Variants in COL4A3 observed in about 807,000 individuals in gnomAD.
COL4A3 encodes the protein collagen alpha-3(IV) chain.
Under a neutral mutation model 217.4 loss-of-function variants are expected in COL4A3, and 135 were observed. That is an observed-to-expected ratio of 0.62 (90% CI 0.54 to 0.72). The LOEUF (loss-of-function observed/expected upper bound fraction) is 0.72, where lower values mean the gene tolerates loss of function less well. Among genes scored for constraint, COL4A3 ranks in the 30% least tolerant of loss-of-function variants. The pLI, the probability that COL4A3 is intolerant of heterozygous loss-of-function variation, is 0.00. For synonymous variants in COL4A3, 690 were observed against 736.3 expected (o/e 0.94, Z 1.02); for missense variants, 1,868 against 2,119.9 (o/e 0.88, Z 2.33).
At chr2:227,234,786 A>G (rs1212163740) in intron 1 of COL4A3, among the ~76,000 whole-genome samples, 2 of 152,216 alleles carry the variant, frequency 1.3e-5, no homozygotes, top group Admixed American at 1.3e-4. Flanking sequence ...TTCCAGTAGC[A>G]TATGGTGAAT....
chr2:227,229,649 G>C (rs1199341233), intron 1 of COL4A3, among the ~76,000 whole-genome samples: 1 of 152,178 alleles, frequency 6.6e-6, no homozygotes, highest in African/African-American at 2.4e-5. Context: ...TCCTTATTGA[G>C]TGCAGGGTAC....
chr2:227,298,200 T>A lies in COL4A3; in HGVS notation c.3751+341T>A, dbSNP rs147063791. Among the ~76,000 whole-genome samples the A allele has an allele frequency of 1.3e-3, 202 of 152,132 alleles. 3 individuals carry two copies. In the East Asian group the frequency reaches 0.014, roughly 10 times the overall value. On this transcript the variant is annotated intron_variant, in intron 42 of 51. Coordinates refer to ENST00000396578, the MANE Select transcript of COL4A3 (RefSeq NM_000091.5). Reference sequence around the variant, plus strand: ...CTGTCTCTACTAAAAATACAAAAATTAGCCAGTCTTGCTTGGTGGTGCATG... The same window carrying A: ...CTGTCTCTACTAAAAATACAAAAATAAGCCAGTCTTGCTTGGTGGTGCATG...
chr2:227,311,392 T>C (rs967157619), intron 51 of COL4A3, among the ~76,000 whole-genome samples: 1 of 152,096 alleles, frequency 6.6e-6, no homozygotes, highest in Non-Finnish European at 1.5e-5. Context: ...TTTTTTTTTT[T>C]TTCTTGAGAT....
chr2:227,274,663 G>A (rs1197285999), intron 26 of COL4A3, among the ~76,000 whole-genome samples: 8 of 151,844 alleles, frequency 5.3e-5, no homozygotes, highest in East Asian at 1.9e-4. Context: ...CATGCCAGGC[G>A]AATTTTTATA....
intron 34 of COL4A3, among the ~76,000 whole-genome samples, chr2:227,288,722 T>C (rs1250780237): frequency 6.6e-6 from 1 of 152,220 alleles, no homozygotes; most frequent in African/African-American, 2.4e-5. Flanking sequence ...ATTAAGATCA[T>C]TGCTAGTGTT....
chr2:227,279,915 A>T lies in COL4A3; in HGVS notation c.2223+25A>T, dbSNP rs1296022069. 2.6e-6 allele frequency: 4 copies of T among 1,550,186 alleles called. No individual in the cohort carries two copies. The Admixed American group carries it at 7.2e-5, about 28-fold the overall frequency. ...GGTATGCAAAAATTCAAGCTATCACAGAAGAGAGGGTGGGTGACCATTAAC... is the reference window on the plus strand; with the variant it reads ...GGTATGCAAAAATTCAAGCTATCACTGAAGAGAGGGTGGGTGACCATTAAC... On this transcript the variant is annotated intron_variant, in intron 29 of 51. Transcript: ENST00000396578.
intron 1 of COL4A3, among the ~76,000 whole-genome samples, chr2:227,212,434 T>C (rs902778624): frequency 3.9e-5 from 6 of 152,238 alleles, no homozygotes; most frequent in African/African-American, 1.4e-4. Flanking sequence ...CTTAGTTCAT[T>C]TGGCATTGAA....
intron 24 of COL4A3, among the ~76,000 whole-genome samples, chr2:227,270,340 T>G (rs1230947110): frequency 6.6e-6 from 1 of 152,214 alleles, no homozygotes; most frequent in Non-Finnish European, 1.5e-5. Context: ...TGAATTGTAC[T>G]CTTATAAAGG....
intron 37 of COL4A3, 29 bp from the exon 38 acceptor site, chr2:227,293,162 A>C (rs1468103479): frequency 6.2e-7 from 1 of 1,613,450 alleles, no homozygotes; most frequent in Non-Finnish European, 8.5e-7. Flanking sequence ...CTTATATGAG[A>C]ATTTTAAAGG....
chr2:227,230,088 T>TTGTAGCTACAATGCTGGGA (rs1187143277), intron 1 of COL4A3, among the ~76,000 whole-genome samples: 1 of 151,642 alleles, frequency 6.6e-6, no homozygotes, highest in Non-Finnish European at 1.5e-5. Flanking sequence ...AAGCTCCAGT[T>TTGTAGCTACAATGCTGGGA]TGTAGCTACA....
intron 26 of COL4A3, among the ~76,000 whole-genome samples, chr2:227,273,704 C>T (rs189706188): frequency 1.5e-4 from 23 of 152,296 alleles, no homozygotes; most frequent in Non-Finnish European, 2.4e-4. Flanking sequence ...AGCCACTGTG[C>T]GCAGCCACAA....
rs2066258663 is a variant in COL4A3, at chr2:227,191,911, C to CA, written c.87+27103dup. On this transcript the variant is annotated intron_variant, in intron 1 of 51. Transcript: ENST00000396578. The surrounding 1 kb of genome is among the most constrained non-coding windows in gnomAD (Gnocchi z 6.8). ...ATTTCTTCAACAGCAGTGCCCTTAT[C>CA]AAAAACAGACACTTGAGAATTGTGG... Among the ~76,000 whole-genome samples the CA allele has an allele frequency of 6.6e-6, 1 of 152,042 alleles. No individual in the cohort carries two copies. Among genetic ancestry groups the CA allele is most frequent in the African/African-American group, 2.4e-5 (1 of 41,392 alleles).
intron 17 of COL4A3, among the ~76,000 whole-genome samples, chr2:227,257,008 T>C (rs1347907402): frequency 1.3e-5 from 2 of 152,230 alleles, no homozygotes; most frequent in African/African-American, 2.4e-5. Flanking sequence ...ATGTAGGCAA[T>C]TGTAACACAA....
chr2:227,304,336 G>A, intron 46 of COL4A3, 192 bp downstream of exon 46: 1 of 665,028 alleles, frequency 1.5e-6, no homozygotes, highest in Non-Finnish European at 2.6e-6. Flanking sequence ...TCTATTGAAA[G>A]CAGTTGTTCA....
intron 26 of COL4A3, among the ~76,000 whole-genome samples, chr2:227,275,701 C>T (rs1268953495): frequency 3.3e-5 from 5 of 152,062 alleles, no homozygotes; most frequent in Non-Finnish European, 5.9e-5. Context: ...CTTTCCCCCG[C>T]GACAGATGAG....
chr2:227,191,821 T>G lies in COL4A3; in HGVS notation c.87+27008T>G, dbSNP rs942648644. Among the ~76,000 whole-genome samples, 1 of 152,194 alleles carries G rather than the reference T, an allele frequency of 6.6e-6. No individual in the cohort carries two copies. Among genetic ancestry groups the G allele is most frequent in the Non-Finnish European group, 1.5e-5 (1 of 68,024 alleles). ...TAATTAGTTTCTGGAACGCTAATAATAAGAAGAACTTAGAATATTACAGAT... is the reference window on the plus strand; with the variant it reads ...TAATTAGTTTCTGGAACGCTAATAAGAAGAAGAACTTAGAATATTACAGAT... On this transcript the variant is annotated intron_variant, in intron 1 of 51. Coordinates refer to ENST00000396578, the MANE Select transcript of COL4A3 (RefSeq NM_000091.5). This position sits in a 1 kb window ranked among gnomAD's most constrained non-coding sequence, Gnocchi z 6.8.
At position 227,253,703 on chromosome 2, in the gene COL4A3, C is replaced by T. The variant is rs2069947227; in HGVS notation, c.765+65C>T. 7.5e-7 allele frequency: 1 copy of T among 1,328,498 alleles called. No individual in the cohort carries two copies. Among genetic ancestry groups the T allele is most frequent in the Non-Finnish European group, 1.1e-6 (1 of 919,584 alleles). 82.3% of individuals were successfully genotyped at this position (1,328,498 alleles called of 1,614,324 possible). On this transcript the variant is annotated intron_variant, in intron 13 of 51. Coordinates refer to ENST00000396578, the MANE Select transcript of COL4A3 (RefSeq NM_000091.5). The surrounding 1 kb of genome is among the most constrained non-coding windows in gnomAD (Gnocchi z 4.4). The stretch of plus-strand genomic sequence containing the variant: ...TGTCTAGGATGAAGTCCTTGTGACC[C>T]TGCACCTCTTTTACAAGCTCTTGTT...
At chr2:227,176,677 C>G (rs1430470878) in intron 1 of COL4A3, among the ~76,000 whole-genome samples, 1 of 152,156 alleles carries the variant, frequency 6.6e-6, no homozygotes, top group African/African-American at 2.4e-5. Flanking sequence ...GTAGACAAAA[C>G]AGTCAGGTCA....
At chr2:227,221,592 G>GC in intron 1 of COL4A3, 1 of 152,196 alleles carries the variant, frequency 6.6e-6, no homozygotes, top group Admixed American at 6.5e-5. Context: ...CCTCAGGTGA[G>GC]CCCTTTCGTG....
Sources: gnomAD v4.1 joint callset for allele counts (sites outside exome capture counted in the v4.1 genomes callset) on GRCh38, gnomAD v4.1.1 for gene constraint, Gnocchi (gnomAD v3.1) non-coding constraint, MANE v1.5 for transcripts, NCBI Gene and HGNC (gene_info 2026-07-23, HGNC 2026-07-21) for gene names.